TIMP4: variants seen among roughly 807,000 people sequenced by gnomAD.
TIMP4 encodes TIMP metallopeptidase inhibitor 4, also known as metalloproteinase inhibitor 4.
Under a neutral mutation model 27.3 loss-of-function variants are expected in TIMP4, and 28 were observed. The ratio of observed to expected loss-of-function variants is 1.03; its 90% CI spans 0.76 to 1.41. TIMP4 has a LOEUF of 1.41. TIMP4 is among the 40% of genes most tolerant of loss of function. The probability of loss-of-function intolerance (pLI) is 0.00; values close to 1 mark genes in which losing one functional copy is unlikely to be tolerated. For missense variants in TIMP4, 307 were observed against 285.5 expected (o/e 1.08, Z -0.54); for synonymous variants, 138 against 115.5 (o/e 1.20, Z -1.25).
rs139407450 is a variant in TIMP4 at position 12,153,637 on chromosome 3, G to C, written c.553C>G (p.Arg185Gly). The C allele has an allele frequency of 6.2e-7, 1 of 1,614,064 alleles. No homozygotes were observed. Among genetic ancestry groups the C allele is most frequent in the Non-Finnish European group, 8.5e-7 (1 of 1,180,030 alleles). ...ECLWTDWLLERKLYGYQAQHY... is the reference protein window; with the variant it reads ...ECLWTDWLLEGKLYGYQAQHY... ...TGAGCCTGGTAACCATAGAGCTTTCGTTCCAACAGCCAGTCTGTCCAGAGG... is the reference window on the plus strand; with the variant it reads ...TGAGCCTGGTAACCATAGAGCTTTCCTTCCAACAGCCAGTCTGTCCAGAGG... The change falls in exon 5 of 5, where the codon CGA becomes GGA. Residue 185 changes from arginine to glycine, a missense_variant. Transcript: ENST00000287814.
chr3:12,154,256 A>AT (rs1697387633), intron 4 of TIMP4, 71 bp downstream of exon 4: 3 of 1,603,292 alleles, frequency 1.9e-6, no homozygotes, highest in Admixed American at 3.4e-5. Flanking sequence ...AAGTGAATAA[A>AT]TTCATGCATG....
In TIMP4 at chr3:12,153,306, T is replaced by C. The variant is rs1360244649; in HGVS notation, c.*209A>G. On this transcript the variant is annotated 3_prime_UTR_variant, in exon 5 of 5. Transcript: ENST00000287814. ...AGTAACAGCTACAAGGCTAGACTAATGGGGTTTGGGAGGCAGGGGCAACAG... is the reference window on the plus strand; with the variant it reads ...AGTAACAGCTACAAGGCTAGACTAACGGGGTTTGGGAGGCAGGGGCAACAG... 2 of 604,918 alleles carry C rather than the reference T, an allele frequency of 3.3e-6. No individual in the cohort carries two copies. The highest frequency in any genetic ancestry group is 2.8e-5 in the East Asian group (1 of 35,582). The allele number at this position is 604,918 out of a possible 1,614,324, so 37.5% of individuals were successfully genotyped here.
At chr3:12,158,351 C>T (rs558113608) in intron 1 of TIMP4, among the ~76,000 whole-genome samples, 1 of 152,160 alleles carries the variant, frequency 6.6e-6, no homozygotes, top group Non-Finnish European at 1.5e-5. Flanking sequence ...AGTTACAATG[C>T]AAGCCCTCTC....
In TIMP4 at chr3:12,154,407, A is replaced by G. The variant is rs145039174; in HGVS notation, c.397T>C (p.Tyr133His). 32 of 1,614,052 alleles carry G rather than the reference A, an allele frequency of 2.0e-5. No individual in the cohort carries two copies. The African/African-American group carries it at 4.1e-4, about 21-fold the overall frequency. ...GACAGGTCCTCCCAGGGCTCGATGTAGTTGCACAGATGGATGAAGACTTTT... is the reference window on the plus strand; with the variant it reads ...GACAGGTCCTCCCAGGGCTCGATGTGGTTGCACAGATGGATGAAGACTTTT... Reference protein sequence around the residue: ...DGKVFIHLCNYIEPWEDLSLV... With the variant: ...DGKVFIHLCNHIEPWEDLSLV... Residue 133 changes from tyrosine to histidine, a missense_variant, in exon 4 of 5, where the codon TAC (tyrosine) becomes CAC (histidine). Tyr to His is a moderately conservative substitution (Grantham distance 83). Coordinates refer to ENST00000287814, the MANE Select transcript of TIMP4 (RefSeq NM_003256.4).
chr3:12,158,559 T>C, intron 1 of TIMP4, 143 bp downstream of exon 1: 3 of 1,267,432 alleles, frequency 2.4e-6, no homozygotes, highest in Non-Finnish European at 3.2e-6. Context: ...GCCTGGTCCT[T>C]CTCCACCCAT....
At chr3:12,155,293 A>G (rs1697422394) in intron 3 of TIMP4, among the ~76,000 whole-genome samples, 1 of 152,244 alleles carries the variant, frequency 6.6e-6, no homozygotes, top group African/African-American at 2.4e-5. Flanking sequence ...GAAAAATTAC[A>G]CTATTGTGTG....
At chr3:12,158,592 G>GT (rs1307107751) in intron 1 of TIMP4, 110 bp downstream of exon 1, 1 of 1,490,606 alleles carries the variant, frequency 6.7e-7, no homozygotes, top group Non-Finnish European at 9.0e-7. Context: ...GAGACAACCG[G>GT]TAAGAATTTG....
chr3:12,153,169 C>T lies in TIMP4; in HGVS notation c.*346G>A, dbSNP rs531312010. 16 of 373,150 alleles carry T rather than the reference C, an allele frequency of 4.3e-5. No individual in the cohort carries two copies. Among genetic ancestry groups the T allele is most frequent in the African/African-American group, 2.1e-4 (10 of 48,766 alleles). 23.1% of individuals were successfully genotyped at this position (373,150 alleles called of 1,614,324 possible). ...TATACCATCTCATGTGTATGACATTCGCCATTTCTCCCCTACCAGATCGAT... is the reference window on the plus strand; with the variant it reads ...TATACCATCTCATGTGTATGACATTTGCCATTTCTCCCCTACCAGATCGAT... On this transcript the variant is annotated 3_prime_UTR_variant, in exon 5 of 5. Coordinates refer to ENST00000287814, the MANE Select transcript of TIMP4 (RefSeq NM_003256.4).
chr3:12,156,869 G>C lies in TIMP4; in HGVS notation c.303C>G (p.Leu101=), dbSNP rs1399265715. 1 of 1,614,204 alleles carries C rather than the reference G, an allele frequency of 6.2e-7. No individual in the cohort carries two copies. Among genetic ancestry groups the C allele is most frequent in the South Asian group, 1.1e-5 (1 of 91,080 alleles). ...TGTTGGCTTCTAGTTTCACACCACA[G>C]AGGGAAGAGTCAAAAGGCGTATAGA... is the stretch of plus-strand genomic sequence containing the variant. ...QYIYTPFDSS[L]CGVKLEANSQ... is the part of the protein sequence containing the mutation. The change falls in exon 3 of 5, where the codon CTC becomes CTG. Residue 101 remains leucine (L), a synonymous_variant. Transcript: ENST00000287814.
At position 12,153,399 on chromosome 3, in the gene TIMP4, C is replaced by T; in HGVS notation, c.*116G>A. ...GACAGTGGCCAGACTGTCCACTTGG[C>T]ACTTCTTATTAGCTGGCAGCAAGAG... On this transcript the variant is annotated 3_prime_UTR_variant, in exon 5 of 5. Coordinates refer to ENST00000287814, the MANE Select transcript of TIMP4 (RefSeq NM_003256.4). 8.2e-7 allele frequency: 1 copy of T among 1,223,660 alleles called. No individual in the cohort carries two copies. The highest frequency in any genetic ancestry group is 1.3e-5 in the South Asian group (1 of 78,040). 75.8% of individuals were successfully genotyped at this position (1,223,660 alleles called of 1,614,324 possible). A position where few individuals can be genotyped will look rare whatever the true frequency, so the allele number is the denominator to read the frequency against.
chr3:12,156,199 A>G (rs1697452258), intron 3 of TIMP4, among the ~76,000 whole-genome samples: 1 of 152,092 alleles, frequency 6.6e-6, no homozygotes, highest in African/African-American at 2.4e-5. Context: ...CTTTCTAAAT[A>G]TTGTTTTATG....
intron 1 of TIMP4, among the ~76,000 whole-genome samples, chr3:12,158,186 C>T (rs1443539729): frequency 6.6e-6 from 1 of 152,096 alleles, no homozygotes; most frequent in East Asian, 1.9e-4. Context: ...AGGGGAGAGA[C>T]CTAAGTTAGC....
At chr3:12,157,526 G>A (rs767287702) in intron 1 of TIMP4, 44 bp from the exon 2 acceptor site, 3 of 1,578,196 alleles carry the variant, frequency 1.9e-6, no homozygotes, top group East Asian at 4.5e-5. Context: ...AGCTGGTGGG[G>A]GCAATACACC....
chr3:12,158,064 T>C (rs1429260709), intron 1 of TIMP4, among the ~76,000 whole-genome samples: 3 of 152,050 alleles, frequency 2.0e-5, no homozygotes, highest in Admixed American at 6.6e-5. Flanking sequence ...CCTGCCGAGC[T>C]CTTGATCTAG....
rs761886594 is a variant in TIMP4 at position 12,156,829 on chromosome 3, G to A, written c.343C>T (p.Leu115Phe). Residue 115 changes from leucine (L) to phenylalanine (F), a missense_variant, in exon 3 of 5, where the codon CTC becomes TTC. Coordinates refer to ENST00000287814, the MANE Select transcript of TIMP4 (RefSeq NM_003256.4). The stretch of plus-strand genomic sequence containing the variant: ...TGGTCTTTTAACTTACCAGTCAAGA[G>A]ATACTGCTTCTGGCTGTTGGCTTCT... ...KLEANSQKQY[L>F]LTGQVLSDGK... The A allele has an allele frequency of 6.2e-7, 1 of 1,613,810 alleles. No individual in the cohort carries two copies. The highest frequency in any genetic ancestry group is 1.7e-5 in the Admixed American group (1 of 60,024).
At position 12,153,564 on chromosome 3, in the gene TIMP4, C is replaced by T. The variant is rs760033899; in HGVS notation, c.626G>A (p.Arg209Gln). The T allele has an allele frequency of 3.4e-5, 55 of 1,613,928 alleles. No individual in the cohort carries two copies. Among genetic ancestry groups the T allele is most frequent in the Admixed American group, 1.3e-4 (8 of 59,998 alleles). ...KHVDGTCSWY[R>Q]GHLPLRKEFV... ...CTCCTTCCTGAGAGGCAGGTGGCCC[C>T]GGTACCAGCTGCAGGTGCCGTCAAC... The change falls in exon 5 of 5, where the codon CGG becomes CAG. Residue 209 changes from arginine to glutamine, a missense_variant. Coordinates refer to ENST00000287814, the MANE Select transcript of TIMP4 (RefSeq NM_003256.4).
At chr3:12,155,309 A>G (rs1344617341) in intron 3 of TIMP4, among the ~76,000 whole-genome samples, 1 of 152,256 alleles carries the variant, frequency 6.6e-6, no homozygotes, top group Non-Finnish European at 1.5e-5. Context: ...GTGTGGTTCT[A>G]TACAAAGTGC....
chr3:12,157,552 C>G, intron 1 of TIMP4, 70 bp from the exon 2 acceptor site: 1 of 1,479,976 alleles, frequency 6.8e-7, no homozygotes, highest in Non-Finnish European at 9.4e-7. Context: ...TCTGGATGAT[C>G]CAGGGTCCAT....
chr3:12,154,588 G>A, intron 3 of TIMP4, 137 bp from the exon 4 acceptor site: 1 of 844,038 alleles, frequency 1.2e-6, no homozygotes, highest in Non-Finnish European at 1.8e-6. Context: ...CTCAGTGAAG[G>A]GACCAATAAA....
Sources: allele counts gnomAD v4.1 joint callset (sites outside exome capture counted in the v4.1 genomes callset), GRCh38; gene constraint gnomAD v4.1.1; transcripts MANE v1.5; gene names NCBI Gene and HGNC (gene_info 2026-07-23, HGNC 2026-07-21).